The following ATP1B3 variants were observed in gnomAD, a reference collection of about 807,000 sequenced individuals.
The protein encoded by ATP1B3 is ATPase Na+/K+ transporting subunit beta 3, also known as sodium/potassium-transporting ATPase subunit beta-3.
Under a neutral mutation model 30.2 loss-of-function variants are expected in ATP1B3, and 10 were observed. The ratio of observed to expected loss-of-function variants is 0.33; its 90% CI spans 0.20 to 0.56. The LOEUF (loss-of-function observed/expected upper bound fraction) is 0.56. Among genes scored for constraint, ATP1B3 ranks in the 20% least tolerant of loss-of-function variants. The probability of loss-of-function intolerance (pLI) is 0.90; values close to 1 mark genes in which losing one functional copy is unlikely to be tolerated. For synonymous variants in ATP1B3, 113 were observed against 117.0 expected (o/e 0.97, Z 0.22); for missense variants, 238 against 336.7 (o/e 0.71, Z 2.29).
chr3:141,919,025 G>A lies in ATP1B3; in HGVS notation c.583-2952G>A, dbSNP rs141045291. 1.3e-4 allele frequency: 20 copies of A among 152,326 alleles called. No individual in the cohort carries two copies. The East Asian group carries it at 3.9e-3, about 29-fold the overall frequency. The allele number at this position is 152,326 out of a possible 1,614,324, so 9.4% of individuals were successfully genotyped here. On this transcript the variant is annotated intron_variant, in intron 5 of 6. Transcript: ENST00000286371. ...CATTTATTCCCTAGGCTAGTCACAA[G>A]TAGTAAACCAGTTAGAACCCATAAA...
Position 141,903,662 on chromosome 3 carries a change from C to T in ATP1B3, c.152C>T (p.Ala51Val), listed in dbSNP as rs759919749. 1 of 1,614,060 alleles carries T rather than the reference C, an allele frequency of 6.2e-7. No individual in the cohort carries two copies. The highest frequency in any genetic ancestry group is 8.5e-7 in the Non-Finnish European group (1 of 1,179,946). Residue 51 changes from alanine (A) to valine (V), a missense_variant, in exon 2 of 7, where the codon GCT (alanine) becomes GTT (valine). Transcript: ENST00000286371. ...TACCTAGTTTTTTATGGGTTCCTGG[C>T]TGCACTCTTCTCATTCACGATGTGG... ...LFYLVFYGFL[A>V]ALFSFTMWVM...
At chr3:141,893,022 T>C (rs1248838770) in intron 1 of ATP1B3, among the ~76,000 whole-genome samples, 2 of 152,092 alleles carry the variant, frequency 1.3e-5, no homozygotes, top group African/African-American at 2.4e-5. Context: ...CTCTTGGCCT[T>C]AGTTTTTTCT....
intron 5 of ATP1B3, chr3:141,918,169 T>A (rs1934502921): frequency 6.6e-6 from 1 of 152,118 alleles, no homozygotes; most frequent in Non-Finnish European, 1.5e-5. Flanking sequence ...AGAAAAAATG[T>A]TGGGTAACCC....
At chr3:141,906,109 T>C (rs1167541653) in intron 2 of ATP1B3, among the ~76,000 whole-genome samples, 1 of 151,886 alleles carries the variant, frequency 6.6e-6, no homozygotes, top group Admixed American at 6.6e-5. Flanking sequence ...AATATGGGAA[T>C]GTTTGAAGGC....
intron 1 of ATP1B3, among the ~76,000 whole-genome samples, chr3:141,889,905 T>C (rs1481737573): frequency 6.6e-6 from 1 of 150,700 alleles, no homozygotes; most frequent in East Asian, 1.9e-4. Flanking sequence ...AAAAGTACCT[T>C]TTCTCCTCAA....
chr3:141,926,200 A>G lies in ATP1B3; in HGVS notation c.*499A>G, dbSNP rs1934656853. ...GAAAATAAAAGTGTGTTTGAAAAAT[A>G]TTATCTTGGGTTCTTTGTAAAATTT... On this transcript the variant is annotated 3_prime_UTR_variant, in exon 7 of 7. Coordinates refer to ENST00000286371, the MANE Select transcript of ATP1B3 (RefSeq NM_001679.4). 1 of 152,592 alleles carries G rather than the reference A, an allele frequency of 6.6e-6. No individual in the cohort carries two copies. Among genetic ancestry groups the G allele is most frequent in the Non-Finnish European group, 1.5e-5 (1 of 68,108 alleles). 9.5% of individuals were successfully genotyped at this position (152,592 alleles called of 1,614,324 possible).
intron 1 of ATP1B3, among the ~76,000 whole-genome samples, chr3:141,894,603 G>T (rs1442919970): frequency 4.0e-5 from 6 of 151,194 alleles, no homozygotes; most frequent in Admixed American, 3.9e-4. Context: ...TAAAAACTAA[G>T]ACACAAACAT....
At chr3:141,877,802 T>C (rs1438346562) in intron 1 of ATP1B3, among the ~76,000 whole-genome samples, 2 of 151,884 alleles carry the variant, frequency 1.3e-5, no homozygotes, top group Admixed American at 1.3e-4. Flanking sequence ...TTTCCTAAAA[T>C]TGTATCAATC....
chr3:141,884,148 C>A (rs111455074), intron 1 of ATP1B3, among the ~76,000 whole-genome samples: 1 of 151,834 alleles, frequency 6.6e-6, no homozygotes, highest in Non-Finnish European at 1.5e-5. Context: ...AATAATATTT[C>A]GGAAAATTTT....
At chr3:141,884,757 C>G (rs541572810) in intron 1 of ATP1B3, among the ~76,000 whole-genome samples, 1 of 152,348 alleles carries the variant, frequency 6.6e-6, no homozygotes, top group African/African-American at 2.4e-5. Context: ...GGGACTCAGA[C>G]TGGCTCTCCT....
chr3:141,922,826 C>T (rs186455012), intron 6 of ATP1B3, among the ~76,000 whole-genome samples: 7 of 151,774 alleles, frequency 4.6e-5, no homozygotes, highest in Admixed American at 2.6e-4. Context: ...ATTAGCTGGG[C>T]GTGGTGGCAG....
intron 1 of ATP1B3, among the ~76,000 whole-genome samples, chr3:141,892,544 G>A (rs969232442): frequency 6.7e-6 from 1 of 149,738 alleles, no homozygotes; most frequent in African/African-American, 2.5e-5. Flanking sequence ...TGTAATCCCA[G>A]CTACTCAGGA....
At chr3:141,890,242 C>T (rs1456460115) in intron 1 of ATP1B3, among the ~76,000 whole-genome samples, 17 of 140,688 alleles carry the variant, frequency 1.2e-4, no homozygotes, top group Non-Finnish European at 2.1e-4. Context: ...GCCACCACAC[C>T]TGGCTAATTT....
chr3:141,908,457 T>C (rs1160890622), intron 3 of ATP1B3, among the ~76,000 whole-genome samples: 1 of 152,218 alleles, frequency 6.6e-6, no homozygotes, highest in Non-Finnish European at 1.5e-5. Flanking sequence ...TTTATGTAGC[T>C]TAATTCCATG....
chr3:141,886,513 TAA>T (rs2107764811), intron 1 of ATP1B3, among the ~76,000 whole-genome samples: 1 of 152,320 alleles, frequency 6.6e-6, no homozygotes, highest in Non-Finnish European at 1.5e-5. Flanking sequence ...AATTAATTTT[TAA>T]AGTTTCCAGA....
In ATP1B3 at chr3:141,913,199, C is replaced by CT. The variant is rs577491361; in HGVS notation, c.347-440dup. Among the ~76,000 whole-genome samples, 291 of 143,612 alleles carry CT rather than the reference C, an allele frequency of 2.0e-3. 1 individual carries two copies. Among genetic ancestry groups the CT allele is most frequent in the African/African-American group, 4.6e-3 (182 of 39,210 alleles). The allele number at this position is 143,612 out of a possible 152,430, so 94.2% of individuals were successfully genotyped here. On this transcript the variant is annotated intron_variant, in intron 3 of 6. Transcript: ENST00000286371. Reference sequence around the variant, plus strand: ...TACCCTTCTGCATTCAGCTCAGTTGCTTTTTTTTTTTTTAGTGTAGGTTGT... The same window carrying CT: ...TACCCTTCTGCATTCAGCTCAGTTGCTTTTTTTTTTTTTTAGTGTAGGTTGT...
chr3:141,889,756 T>TACAC lies in ATP1B3; in HGVS notation c.109+12883_109+12886dup, dbSNP rs34670135. ...AAAAAAAAAAAAAAAAAAAAATATA[T>TACAC]ACACACACACACACACACACACACA... On this transcript the variant is annotated intron_variant, in intron 1 of 6. Coordinates refer to ENST00000286371, the MANE Select transcript of ATP1B3 (RefSeq NM_001679.4). Among the ~76,000 whole-genome samples, 769 of 83,988 alleles carry TACAC rather than the reference T, an allele frequency of 9.2e-3. 38 individuals are homozygous for TACAC. Among genetic ancestry groups the TACAC allele is most frequent in the East Asian group, 0.059 (150 of 2,546 alleles). 55.1% of individuals were successfully genotyped at this position (83,988 alleles called of 152,430 possible).
At chr3:141,916,484 T>C (rs1934466269) in intron 5 of ATP1B3, 4 of 1,105,526 alleles carry the variant, frequency 3.6e-6, no homozygotes, top group East Asian at 5.8e-5. Flanking sequence ...TACTTTTTTT[T>C]CCAGAATACT....
At chr3:141,909,424 G>A (rs1472013714) in intron 3 of ATP1B3, among the ~76,000 whole-genome samples, 1 of 152,202 alleles carries the variant, frequency 6.6e-6, no homozygotes, top group Non-Finnish European at 1.5e-5. Flanking sequence ...TCCTGAGGGG[G>A]AAAATAAAAC....
Sources: gnomAD v4.1 joint callset for allele counts (sites outside exome capture counted in the v4.1 genomes callset) on GRCh38, gnomAD v4.1.1 for gene constraint, MANE v1.5 for transcripts, NCBI Gene and HGNC (gene_info 2026-07-23, HGNC 2026-07-21) for gene names.